The following ZNF555 variants were observed in gnomAD, a reference collection of about 807,000 sequenced individuals.
The protein encoded by ZNF555 is zinc finger protein 555.
A neutral mutation model predicts 14.0 loss-of-function variants in ZNF555; 10 were observed. The ratio of observed to expected loss-of-function variants is 0.72; its 90% CI spans 0.44 to 1.21. ZNF555 has a LOEUF of 1.21. Ranked by LOEUF, ZNF555 falls within the 50% of genes most tolerant of loss-of-function variation. The pLI is 0.00. For missense variants in ZNF555, 747 were observed against 762.0 expected, an observed-to-expected ratio of 0.98 and a Z score of 0.23; for synonymous variants, 277 against 262.4, an observed-to-expected ratio of 1.06 and a Z score of -0.54.
At position 2,852,611 on chromosome 19, in the gene ZNF555, T is replaced by C. The variant is rs748394163; in HGVS notation, c.546T>C (p.Ser182=). ...GCCAGGAATGTGGGCAGGCCTACAG[T>C]TGTCGTTCACACCTAAGAATGCATG... ...YQCQECGQAY[S]CRSHLRMHVR... Residue 182 remains serine (S), a synonymous_variant, in exon 4 of 4, where the codon AGT becomes AGC. Transcript: ENST00000334241. 6.2e-7 allele frequency: 1 copy of C among 1,614,042 alleles called. No homozygotes were observed. The highest frequency in any genetic ancestry group is 1.3e-5 in the African/African-American group (1 of 74,918).
At position 2,859,595 on chromosome 19, in the gene ZNF555, A is replaced by G. The variant is rs1181871905; in HGVS notation, c.*5643A>G. 6.6e-6 allele frequency: 1 copy of G among 152,192 alleles called. No individual in the cohort carries two copies. The highest frequency in any genetic ancestry group is 1.5e-5 in the Non-Finnish European group (1 of 68,068). The allele number at this position is 152,192 out of a possible 1,614,324, so 9.4% of individuals were successfully genotyped here. ...TGGTAGTGAGGAGCTCAGTCTTAGA[A>G]TATGAGCCGTGTCAGGGGCTACAGC... On this transcript the variant is annotated 3_prime_UTR_variant, in exon 4 of 4. Transcript: ENST00000334241.
Position 2,841,547 on chromosome 19 carries a change from C to A in ZNF555, c.-26C>A. On this transcript the variant is annotated 5_prime_UTR_variant, in exon 1 of 4. Coordinates refer to ENST00000334241, the MANE Select transcript of ZNF555 (RefSeq NM_152791.5). ...CGGTTCCTGTCGCGCTCACCTGCGC[C>A]GGTAGCGAAGAAATCGCCCCGGGAC... 6.5e-7 allele frequency: 1 copy of A among 1,544,180 alleles called. No individual in the cohort carries two copies. Among genetic ancestry groups the A allele is most frequent in the Non-Finnish European group, 8.7e-7 (1 of 1,143,992 alleles).
rs2087648621 is a variant in ZNF555, at chr19:2,853,098, T to C, written c.1033T>C (p.Cys345Arg). The C allele has an allele frequency of 6.2e-7, 1 of 1,614,130 alleles. No individual in the cohort carries two copies. The highest frequency in any genetic ancestry group is 1.1e-5 in the South Asian group (1 of 91,078). The change falls in exon 4 of 4, where the codon TGT (cysteine) becomes CGT (arginine). Residue 345 changes from cysteine to arginine, a missense_variant. Coordinates refer to ENST00000334241, the MANE Select transcript of ZNF555 (RefSeq NM_152791.5). ...AGAGAAACCCTACGAATGCAAACAA[T>C]GTGGGAAAACCTTCATTTATCTCCA... is the stretch of plus-strand genomic sequence containing the variant. The part of the protein sequence containing the change: ...TGEKPYECKQ[C>R]GKTFIYLQSF...
intron 1 of ZNF555, among the ~76,000 whole-genome samples, chr19:2,847,895 G>T (rs1177188125): frequency 6.6e-6 from 1 of 152,130 alleles, no homozygotes. Context: ...TGGTCAGGAG[G>T]TAAACCAAGG....
intron 1 of ZNF555, among the ~76,000 whole-genome samples, chr19:2,845,575 C>A (rs1378647737): frequency 3.9e-5 from 6 of 152,204 alleles, no homozygotes; most frequent in Non-Finnish European, 8.8e-5. Flanking sequence ...TACATTCCCT[C>A]CAACCATGTG....
rs1374501387 is a variant in ZNF555 at position 2,850,664 on chromosome 19, C to CCT, written c.84_85dup (p.Tyr29SerfsTer5). ...CTTTGCTGGATTCTGCTCAGAGGGACCTCTACAGAGATGTGATGCTGGAGA... is the reference window on the plus strand; with the variant it reads ...CTTTGCTGGATTCTGCTCAGAGGGACCTCTCTACAGAGATGTGATGCTGGAGA... On this transcript the variant is annotated frameshift_variant, in exon 2 of 4. Transcript: ENST00000334241. LOFTEE classifies it high-confidence loss of function. 5.6e-6 allele frequency: 9 copies of CCT among 1,613,976 alleles called. No individual in the cohort carries two copies. Among genetic ancestry groups the CCT allele is most frequent in the Non-Finnish European group, 7.6e-6 (9 of 1,179,906 alleles).
chr19:2,852,720 G>GT lies in ZNF555; in HGVS notation c.656dup (p.Arg220LysfsTer6). The stretch of plus-strand genomic sequence containing the variant: ...TCGTACTTCCTCCCTCAATCGGCAT[G>GT]TAAGGATTCACACTGCTGAGAAAAC... On this transcript the variant is annotated frameshift_variant, in exon 4 of 4. Transcript: ENST00000334241. LOFTEE classifies it low-confidence loss of function (END_TRUNC). The GT allele has an allele frequency of 6.2e-7, 1 of 1,614,186 alleles. No homozygotes were observed. The highest frequency in any genetic ancestry group is 8.5e-7 in the Non-Finnish European group (1 of 1,180,012).
At position 2,857,306 on chromosome 19, in the gene ZNF555, T is replaced by G. The variant is rs552353037; in HGVS notation, c.*3354T>G. 13 of 152,228 alleles carry G rather than the reference T, an allele frequency of 8.5e-5. No homozygotes were observed. The highest frequency in any genetic ancestry group is 1.6e-4 in the Non-Finnish European group (11 of 68,048). The allele number at this position is 152,228 out of a possible 1,614,324, so 9.4% of individuals were successfully genotyped here. A position where few individuals can be genotyped will look rare whatever the true frequency, so the allele number is the denominator to read the frequency against. ...ACGGGGACAACAGAGTCTTGTATAT[T>G]CATGTAGCTCATGATGATGGAATCA... On this transcript the variant is annotated 3_prime_UTR_variant, in exon 4 of 4. Transcript: ENST00000334241.
At chr19:2,842,516 C>T (rs1417756836) in intron 1 of ZNF555, among the ~76,000 whole-genome samples, 3 of 152,154 alleles carry the variant, frequency 2.0e-5, no homozygotes, top group Admixed American at 6.5e-5. Flanking sequence ...TATTCTTTCA[C>T]GGTTCCCTAG....
chr19:2,850,516 A>C, intron 1 of ZNF555, 71 bp from the exon 2 acceptor site: 1 of 1,573,948 alleles, frequency 6.4e-7, no homozygotes, highest in Non-Finnish European at 8.7e-7. Flanking sequence ...TGAACTACAT[A>C]CGAATTGAGT....
In ZNF555 at chr19:2,859,071, G is replaced by C. The variant is rs1048796253; in HGVS notation, c.*5119G>C. The C allele has an allele frequency of 2.6e-5, 4 of 152,322 alleles. No homozygotes were observed. Among genetic ancestry groups the C allele is most frequent in the Admixed American group, 6.5e-5 (1 of 15,286 alleles). 9.4% of individuals were successfully genotyped at this position (152,322 alleles called of 1,614,324 possible). The stretch of plus-strand genomic sequence containing the variant: ...GCGCAGCCTCAGCCCATTGGCCTGC[G>C]GGAAGTGGAGTTCCCGAACAGAAGC... On this transcript the variant is annotated 3_prime_UTR_variant, in exon 4 of 4. Transcript: ENST00000334241.
intron 1 of ZNF555, among the ~76,000 whole-genome samples, chr19:2,842,627 C>T (rs2144840869): frequency 6.6e-6 from 1 of 152,310 alleles, no homozygotes; most frequent in Non-Finnish European, 1.5e-5. Context: ...GGGCGTCCGT[C>T]GTGGTAGCCT....
In ZNF555 at chr19:2,855,262, A is replaced by C. The variant is rs2087674025; in HGVS notation, c.*1310A>C. 6.6e-6 allele frequency: 1 copy of C among 152,182 alleles called. No individual in the cohort carries two copies. The highest frequency in any genetic ancestry group is 6.5e-5 in the Admixed American group (1 of 15,274). The allele number at this position is 152,182 out of a possible 1,614,324, so 9.4% of individuals were successfully genotyped here. A position where few individuals can be genotyped will look rare whatever the true frequency, so the allele number is the denominator to read the frequency against. On this transcript the variant is annotated 3_prime_UTR_variant, in exon 4 of 4. Coordinates refer to ENST00000334241, the MANE Select transcript of ZNF555 (RefSeq NM_152791.5). ...TTGTTTCAAGGAAAACCTTCTGTAG[A>C]TATTTCTTAGAAATATCCTGTTTAG...
Position 2,858,381 on chromosome 19 carries a change from A to G in ZNF555, c.*4429A>G, listed in dbSNP as rs1173694615. 6.6e-6 allele frequency: 1 copy of G among 152,226 alleles called. No homozygotes were observed. The highest frequency in any genetic ancestry group is 1.5e-5 in the Non-Finnish European group (1 of 68,072). The allele number at this position is 152,226 out of a possible 1,614,324, so 9.4% of individuals were successfully genotyped here. A position where few individuals can be genotyped will look rare whatever the true frequency, so the allele number is the denominator to read the frequency against. On this transcript the variant is annotated 3_prime_UTR_variant, in exon 4 of 4. Coordinates refer to ENST00000334241, the MANE Select transcript of ZNF555 (RefSeq NM_152791.5). ...GGAGGTCTTCCAGAATCTGTCTTTG[A>G]GTTTACACCAGGTTCTTCCCATCTG...
Position 2,857,986 on chromosome 19 carries a change from A to G in ZNF555, c.*4034A>G, listed in dbSNP as rs537202206. On this transcript the variant is annotated 3_prime_UTR_variant, in exon 4 of 4. Transcript: ENST00000334241. ...AGAGGATCACTTGAAGTCAGGAGCT[A>G]GACACCAGTCTGGGCAACATAGCGA... is the stretch of plus-strand genomic sequence containing the variant. The G allele has an allele frequency of 2.0e-5, 3 of 152,430 alleles. No homozygotes were observed. Among genetic ancestry groups the G allele is most frequent in the Non-Finnish European group, 4.4e-5 (3 of 68,132 alleles). 9.4% of individuals were successfully genotyped at this position (152,430 alleles called of 1,614,324 possible).
At chr19:2,844,529 A>T (rs1459248770) in intron 1 of ZNF555, among the ~76,000 whole-genome samples, 1 of 152,236 alleles carries the variant, frequency 6.6e-6, no homozygotes, top group East Asian at 1.9e-4. Context: ...GTGAACCACC[A>T]TGCCCCCAAC....
At chr19:2,850,154 C>T (rs552490750) in intron 1 of ZNF555, among the ~76,000 whole-genome samples, 66 of 152,330 alleles carry the variant, frequency 4.3e-4, no homozygotes, top group Middle Eastern at 3.4e-3. Flanking sequence ...TGTTCCCAAT[C>T]CTTCAGTGTT....
chr19:2,859,776 C>T lies in ZNF555; in HGVS notation c.*5824C>T, dbSNP rs891265648. ...CTTCCTTTAGGGTTCGGGGGATCTC[C>T]TCCTTCCACAAGGGATGGATGTGAA... is the stretch of plus-strand genomic sequence containing the variant. On this transcript the variant is annotated 3_prime_UTR_variant, in exon 4 of 4. Transcript: ENST00000334241. The T allele has an allele frequency of 8.5e-5, 13 of 152,446 alleles. No individual in the cohort carries two copies. The highest frequency in any genetic ancestry group is 2.9e-4 in the African/African-American group (12 of 41,446). The allele number at this position is 152,446 out of a possible 1,614,324, so 9.4% of individuals were successfully genotyped here.
At chr19:2,847,032 T>TA (rs1258811234) in intron 1 of ZNF555, among the ~76,000 whole-genome samples, 3 of 152,142 alleles carry the variant, frequency 2.0e-5, no homozygotes, top group African/African-American at 4.8e-5. Flanking sequence ...TCTTAATACT[T>TA]AGAGTTTAAA....
Sources: allele counts gnomAD v4.1 joint callset (sites outside exome capture counted in the v4.1 genomes callset), GRCh38; gene constraint gnomAD v4.1.1; transcripts MANE v1.5; gene names NCBI Gene and HGNC (gene_info 2026-07-23, HGNC 2026-07-21).